KHDRBS2: variants seen among roughly 807,000 people sequenced by gnomAD.
KHDRBS2 encodes the protein KH RNA binding domain containing, signal transduction associated 2.
A neutral mutation model predicts 44.3 loss-of-function variants in KHDRBS2; 26 were observed. The observed-to-expected ratio is 0.59, with a 90% CI of 0.43 to 0.81. The LOEUF is 0.81. Among genes scored for constraint, KHDRBS2 ranks in the 40% least tolerant of loss-of-function variants. The pLI is 0.00. For missense variants in KHDRBS2, 476 were observed against 433.1 expected (o/e 1.10, Z -0.88); for synonymous variants, 194 against 151.1 (o/e 1.28, Z -2.08).
At chr6:61,870,007 C>T (rs1798431171) in intron 6 of KHDRBS2, among the ~76,000 whole-genome samples, 1 of 143,748 alleles carries the variant, frequency 7.0e-6, no homozygotes, top group Non-Finnish European at 1.5e-5. Flanking sequence ...ACAGTGGTGC[C>T]TGGAATGCCA....
the KHDRBS2 span, among the ~76,000 whole-genome samples, chr6:61,658,369 A>T: frequency 6.6e-6 from 1 of 151,820 alleles, no homozygotes; most frequent in African/African-American, 2.4e-5. Context: ...ATAAAATTTT[A>T]TTTTGGGCTA....
intron 2 of KHDRBS2, among the ~76,000 whole-genome samples, chr6:62,138,639 T>C (rs866790083): frequency 7.2e-5 from 11 of 152,200 alleles, no homozygotes; most frequent in Non-Finnish European, 1.5e-4. Context: ...TAACTGAAGC[T>C]TGTCAAGACC....
At chr6:61,963,067 G>T (rs1412660304) in intron 4 of KHDRBS2, among the ~76,000 whole-genome samples, 1 of 152,052 alleles carries the variant, frequency 6.6e-6, no homozygotes, top group East Asian at 1.9e-4. Flanking sequence ...TAAGCTGGTT[G>T]CTATTTAATA....
At chr6:61,608,284 C>T in the KHDRBS2 span, among the ~76,000 whole-genome samples, 3 of 149,754 alleles carry the variant, frequency 2.0e-5, no homozygotes, top group African/African-American at 7.4e-5. Flanking sequence ...ACATACTCAA[C>T]TCTCTCCCTT....
intron 6 of KHDRBS2, among the ~76,000 whole-genome samples, chr6:61,821,033 G>C (rs1286850888): frequency 6.6e-6 from 1 of 151,980 alleles, no homozygotes; most frequent in African/African-American, 2.4e-5. Flanking sequence ...GAATGACTAT[G>C]TAAGCTGAAT....
rs373101205 is a variant in KHDRBS2 at position 62,253,456 on chromosome 6, C to G, written c.91+32402G>C. Among the ~76,000 whole-genome samples, 747 of 151,942 alleles carry G rather than the reference C, an allele frequency of 4.9e-3. 9 individuals carry two copies. Among genetic ancestry groups the G allele is most frequent in the African/African-American group, 0.017 (714 of 41,496 alleles). On this transcript the variant is annotated intron_variant, in intron 1 of 8. Coordinates refer to ENST00000281156, the MANE Select transcript of KHDRBS2 (RefSeq NM_152688.4). Reference sequence around the variant, plus strand: ...GGATCAGAAAATTCATTAGGGCAATCTCTCTCTGTCTCTATTCCCCCTGCA... The same window carrying G: ...GGATCAGAAAATTCATTAGGGCAATGTCTCTCTGTCTCTATTCCCCCTGCA...
chr6:62,108,474 T>C (rs1431373109), intron 2 of KHDRBS2, among the ~76,000 whole-genome samples: 8 of 152,022 alleles, frequency 5.3e-5, no homozygotes, highest in Non-Finnish European at 1.2e-4. Context: ...TGTGGAGAAA[T>C]AGGAACACTT....
chr6:62,008,324 G>A (rs1779647492), intron 3 of KHDRBS2, among the ~76,000 whole-genome samples: 1 of 152,108 alleles, frequency 6.6e-6, no homozygotes, highest in African/African-American at 2.4e-5. Context: ...TCATGTGACA[G>A]TCAGTAATTT....
chr6:61,927,491 T>C (rs908996624), intron 4 of KHDRBS2, among the ~76,000 whole-genome samples: 2 of 152,166 alleles, frequency 1.3e-5, no homozygotes, highest in Non-Finnish European at 2.9e-5. Flanking sequence ...AGTGTTGTTA[T>C]AGAAACCTTT....
the KHDRBS2 span, among the ~76,000 whole-genome samples, chr6:61,649,661 A>T: frequency 6.6e-6 from 1 of 152,166 alleles, no homozygotes; most frequent in Non-Finnish European, 1.5e-5. Context: ...CTTGAGGCAG[A>T]AACTTAAGGA....
At chr6:62,103,231 C>T (rs1183987800) in intron 2 of KHDRBS2, among the ~76,000 whole-genome samples, 1 of 152,188 alleles carries the variant, frequency 6.6e-6, no homozygotes, top group East Asian at 1.9e-4. Context: ...CACCAAGGAC[C>T]TGTCCCCTCC....
At chr6:61,548,914 C>T in the KHDRBS2 span, among the ~76,000 whole-genome samples, 1 of 152,060 alleles carries the variant, frequency 6.6e-6, no homozygotes, top group Non-Finnish European at 1.5e-5. Context: ...CCAACTCCAA[C>T]ACCATAAATA....
intron 6 of KHDRBS2, among the ~76,000 whole-genome samples, chr6:61,776,570 A>T (rs1782050708): frequency 6.6e-6 from 1 of 152,220 alleles, no homozygotes; most frequent in Non-Finnish European, 1.5e-5. Flanking sequence ...GAGAAATGCA[A>T]ATCAAAACCA....
intron 2 of KHDRBS2, among the ~76,000 whole-genome samples, chr6:62,064,690 C>G (rs1235912463): frequency 1.3e-5 from 2 of 151,808 alleles, no homozygotes; most frequent in Non-Finnish European, 1.5e-5. Flanking sequence ...AGAAGAAAAC[C>G]TAGGCATTAC....
chr6:61,593,957 G>C, the KHDRBS2 span, among the ~76,000 whole-genome samples: 1 of 152,038 alleles, frequency 6.6e-6, no homozygotes, highest in Non-Finnish European at 1.5e-5. Flanking sequence ...TTGAAAATAT[G>C]ACATTCCAGT....
chr6:62,050,396 C>T lies in KHDRBS2; in HGVS notation c.220-2402G>A, dbSNP rs563293907. On this transcript the variant is annotated intron_variant, in intron 2 of 8. Transcript: ENST00000281156. ...TGTGTATACCTATGTAACAAACCTG[C>T]ACATTCTGCACATGTATCCCAGAAC... 1.9e-3 allele frequency among the ~76,000 whole-genome samples: 286 copies of T among 148,984 alleles called. 1 individual carries two copies. The Middle Eastern group carries it at 0.034, about 18-fold the overall frequency.
At chr6:62,231,933 T>C (rs1407510781) in intron 1 of KHDRBS2, among the ~76,000 whole-genome samples, 1 of 152,180 alleles carries the variant, frequency 6.6e-6, no homozygotes, top group Non-Finnish European at 1.5e-5. Context: ...ATATTTCTTA[T>C]AAACATCAAT....
chr6:62,081,810 A>G (rs564107968), intron 2 of KHDRBS2, among the ~76,000 whole-genome samples: 1 of 152,056 alleles, frequency 6.6e-6, no homozygotes, highest in Non-Finnish European at 1.5e-5. Context: ...AATTTTTTAG[A>G]TGTTCATACA....
intron 2 of KHDRBS2, among the ~76,000 whole-genome samples, chr6:62,168,068 G>A (rs16880659): frequency 0.024 from 3,703 of 152,144 alleles, 115 homozygotes; most frequent in African/African-American, 0.079. Flanking sequence ...CTTTTTCTGG[G>A]ACTGAACAGA....
Sources: allele counts gnomAD v4.1 joint callset (sites outside exome capture counted in the v4.1 genomes callset), GRCh38; gene constraint gnomAD v4.1.1; transcripts MANE v1.5; gene names NCBI Gene and HGNC (gene_info 2026-07-23, HGNC 2026-07-21).